The following GREB1 variants were observed in gnomAD, a reference collection of about 807,000 sequenced individuals.
GREB1 encodes growth regulating estrogen receptor binding 1.
Under a neutral mutation model 200.7 loss-of-function variants are expected in GREB1, and 106 were observed. The ratio of observed to expected loss-of-function variants is 0.53; its 90% CI spans 0.45 to 0.62. The LOEUF (loss-of-function observed/expected upper bound fraction) is 0.62, where lower values mean the gene tolerates loss of function less well. Among genes scored for constraint, GREB1 ranks in the 20% least tolerant of loss-of-function variants. The probability of loss-of-function intolerance (pLI) is 0.00; values close to 1 mark genes in which losing one functional copy is unlikely to be tolerated. For missense variants in GREB1, 2,243 were observed against 2,556.8 expected (o/e 0.88, Z 2.65); for synonymous variants, 1,132 against 1,092.4 (o/e 1.04, Z -0.72).
chr2:11,575,332 G>C (rs144159012), intron 4 of GREB1, among the ~76,000 whole-genome samples: 11 of 152,240 alleles, frequency 7.2e-5, no homozygotes, highest in Non-Finnish European at 1.5e-4. Context: ...CTGGGCAGAA[G>C]CCCAGTCTTC....
chr2:11,569,366 A>G (rs569259536), intron 4 of GREB1, among the ~76,000 whole-genome samples: 1 of 152,030 alleles, frequency 6.6e-6, no homozygotes, highest in African/African-American at 2.4e-5. Context: ...GAATCAGCCT[A>G]GAAGTCCACA....
chr2:11,533,179 T>C (rs1338932750), upstream of GREB1, among the ~76,000 whole-genome samples: 1 of 152,164 alleles, frequency 6.6e-6, no homozygotes, highest in Non-Finnish European at 1.5e-5. Flanking sequence ...TTTTTGCAAT[T>C]TTTAAGCTCC....
At chr2:11,484,585 T>TTC (rs1558476841) in intron 1 of GREB1, among the ~76,000 whole-genome samples, 1 of 7,792 alleles carries the variant, frequency 1.3e-4, no homozygotes, top group Non-Finnish European at 4.3e-4. Flanking sequence ...TCTCATCTCT[T>TTC]AAAAAACAAA....
chr2:11,602,633 G>GA, intron 17 of GREB1, 91 bp downstream of exon 17: 6 of 1,134,112 alleles, frequency 5.3e-6, no homozygotes, highest in Non-Finnish European at 7.9e-6. Context: ...TTCCAGGAAG[G>GA]GAGGCCTTTC....
chr2:11,505,849 GAAA>G (rs371089698), intron 1 of GREB1, among the ~76,000 whole-genome samples: 1 of 147,890 alleles, frequency 6.8e-6, no homozygotes, highest in East Asian at 2.0e-4. Context: ...CCTGTTTTGG[GAAA>G]AAAAAAAGTG....
chr2:11,564,485 C>T (rs1298814718), intron 3 of GREB1, among the ~76,000 whole-genome samples: 1 of 152,156 alleles, frequency 6.6e-6, no homozygotes, highest in Non-Finnish European at 1.5e-5. Flanking sequence ...TTGAGGCCAG[C>T]CTGGGCAACA....
chr2:11,632,838 G>A (rs769520180), intron 27 of GREB1, 51 bp from the exon 28 acceptor site: 3 of 1,546,628 alleles, frequency 1.9e-6, no homozygotes, highest in African/African-American at 2.7e-5. Flanking sequence ...TCTGTCTGCT[G>A]TGGGTGTGGG....
chr2:11,570,378 A>G (rs1678137806), intron 4 of GREB1, among the ~76,000 whole-genome samples: 2 of 150,234 alleles, frequency 1.3e-5, no homozygotes, highest in South Asian at 4.2e-4. Context: ...ACTCCAGTCT[A>G]GGCGACAAGA....
intron 21 of GREB1, among the ~76,000 whole-genome samples, chr2:11,617,418 T>C (rs1468804555): frequency 6.6e-6 from 1 of 152,212 alleles, no homozygotes; most frequent in Non-Finnish European, 1.5e-5. Context: ...GAAGGATAAA[T>C]GAGATGTAGA....
In GREB1 at chr2:11,633,089, C is replaced by T; in HGVS notation, c.4991+26C>T. Reference sequence around the variant, plus strand: ...GTGAGGTAACCTGAGAGCACCACCTCCTGCCACCCTACGAATGATGACCAA... The same window carrying T: ...GTGAGGTAACCTGAGAGCACCACCTTCTGCCACCCTACGAATGATGACCAA... On this transcript the variant is annotated intron_variant, in intron 28 of 32. Transcript: ENST00000381486. This position sits in a 1 kb window ranked among gnomAD's most constrained non-coding sequence, Gnocchi z 4.1. The T allele has an allele frequency of 1.2e-6, 2 of 1,609,798 alleles. No homozygotes were observed. Among genetic ancestry groups the T allele is most frequent in the Admixed American group, 1.7e-5 (1 of 60,002 alleles).
chr2:11,550,040 G>A (rs1440747142), intron 1 of GREB1, among the ~76,000 whole-genome samples: 1 of 152,128 alleles, frequency 6.6e-6, no homozygotes, highest in Admixed American at 6.6e-5. Context: ...ACAACATAAT[G>A]CAACCCCATT....
intron 15 of GREB1, among the ~76,000 whole-genome samples, chr2:11,599,779 CA>C (rs1364212707): frequency 1.3e-5 from 2 of 152,070 alleles, no homozygotes; most frequent in East Asian, 3.9e-4. Context: ...CTCGGCCTCC[CA>C]AAGTGCTGGG....
In GREB1 at chr2:11,615,513, T is replaced by C. The variant is rs376302537; in HGVS notation, c.3322+223T>C. On this transcript the variant is annotated intron_variant, in intron 20 of 32. Transcript: ENST00000381486. Reference sequence around the variant, plus strand: ...TTTGTTTGTTTTCTCCCCATCTCTTTTGGTGGTGTGAGAAAATGGAAATCC... The same window carrying C: ...TTTGTTTGTTTTCTCCCCATCTCTTCTGGTGGTGTGAGAAAATGGAAATCC... 7.2e-5 allele frequency among the ~76,000 whole-genome samples: 11 copies of C among 152,340 alleles called. No individual in the cohort carries two copies. The South Asian group carries it at 1.0e-3, about 14-fold the overall frequency.
chr2:11,545,862 T>A (rs548964019), intron 1 of GREB1, among the ~76,000 whole-genome samples: 1 of 152,246 alleles, frequency 6.6e-6, no homozygotes, highest in East Asian at 1.9e-4. Context: ...TTAAAATGTT[T>A]GGGGTTTGTG....
chr2:11,632,821 C>T, intron 27 of GREB1, 68 bp from the exon 28 acceptor site: 1 of 1,434,180 alleles, frequency 7.0e-7, no homozygotes, highest in Admixed American at 1.9e-5. Flanking sequence ...AGCAGGTCTG[C>T]CTGGGGTCTG....
At position 11,580,759 on chromosome 2, in the gene GREB1, C is replaced by G. The variant is rs150918268; in HGVS notation, c.828C>G (p.Asn276Lys). Residue 276 changes from asparagine to lysine, a missense_variant, in exon 7 of 33, where the codon AAC (asparagine) becomes AAG (lysine). By Grantham distance (94) the Asn-to-Lys change is moderately conservative. Transcript: ENST00000381486. This position sits in a 1 kb window ranked among gnomAD's most constrained non-coding sequence, Gnocchi z 4.5. Reference sequence around the variant, plus strand: ...CAGCAATGGGTCCGGCTGTTTTCAACGGCAAAGATTCCCCGAAGTGCCAAC... The same window carrying G: ...CAGCAATGGGTCCGGCTGTTTTCAAGGGCAAAGATTCCCCGAAGTGCCAAC... ...LNAAMGPAVF[N>K]GKDSPKCQQL... The G allele has an allele frequency of 6.2e-7, 1 of 1,614,180 alleles. No homozygotes were observed. Among genetic ancestry groups the G allele is most frequent in the South Asian group, 1.1e-5 (1 of 91,084 alleles).
At chr2:11,599,296 C>T (rs1681544423) in intron 15 of GREB1, among the ~76,000 whole-genome samples, 1 of 150,050 alleles carries the variant, frequency 6.7e-6, no homozygotes, top group Admixed American at 6.6e-5. Context: ...TCCGTGGGGG[C>T]TCTGGTACCG....
chr2:11,642,120 CT>C lies in GREB1; in HGVS notation c.*1676del, dbSNP rs201717386. The C allele has an allele frequency of 6.0e-5, 9 of 149,202 alleles. No individual in the cohort carries two copies. Among genetic ancestry groups the C allele is most frequent in the Middle Eastern group, 3.4e-3 (1 of 290 alleles). 9.2% of individuals were successfully genotyped at this position (149,202 alleles called of 1,614,324 possible). A position where few individuals can be genotyped will look rare whatever the true frequency, so the allele number is the denominator to read the frequency against. On this transcript the variant is annotated 3_prime_UTR_variant, in exon 33 of 33. Coordinates refer to ENST00000381486, the MANE Select transcript of GREB1 (RefSeq NM_014668.4). ...TTCAATTTAATCATCAGAATGCATTCTTTTTTTTTTCGGAGACGGAGTTTCA... is the reference window on the plus strand; with the variant it reads ...TTCAATTTAATCATCAGAATGCATTCTTTTTTTTTCGGAGACGGAGTTTCA...
At chr2:11,488,807 A>AG (rs1672715748) in intron 1 of GREB1, among the ~76,000 whole-genome samples, 1 of 151,486 alleles carries the variant, frequency 6.6e-6, no homozygotes, top group African/African-American at 2.4e-5. Flanking sequence ...AAAAAAAAAA[A>AG]AGATTTGGGA....
Sources: allele counts gnomAD v4.1 joint callset (sites outside exome capture counted in the v4.1 genomes callset), GRCh38; gene constraint gnomAD v4.1.1; non-coding constraint Gnocchi (gnomAD v3.1); transcripts MANE v1.5; gene names NCBI Gene and HGNC (gene_info 2026-07-23, HGNC 2026-07-21).